Variants in TBC1D22A observed in about 807,000 individuals in gnomAD.
TBC1D22A encodes the protein TBC1 domain family member 22A, also known as putative GTPase activator.
TBC1D22A carries 38 observed loss-of-function variants against 60.2 expected under a neutral mutation model. The ratio of observed to expected loss-of-function variants is 0.63; its 90% CI spans 0.49 to 0.83. TBC1D22A has a LOEUF of 0.83. TBC1D22A is among the 40% of genes least tolerant of loss of function. The pLI is 0.00. For synonymous variants in TBC1D22A, 302 were observed against 281.7 expected (o/e 1.07, Z -0.72); for missense variants, 628 against 701.0 (o/e 0.90, Z 1.18).
intron 4 of TBC1D22A, among the ~76,000 whole-genome samples, chr22:46,799,884 A>G (rs1183906346): frequency 6.6e-6 from 1 of 152,174 alleles, no homozygotes; most frequent in Non-Finnish European, 1.5e-5. Context: ...GTGGACTCCG[A>G]TCACTTGGTT....
At chr22:47,163,647 G>A (rs1355274962) in intron 12 of TBC1D22A, among the ~76,000 whole-genome samples, 1 of 152,188 alleles carries the variant, frequency 6.6e-6, no homozygotes, top group Non-Finnish European at 1.5e-5. Context: ...GTGGAGGGAA[G>A]CAAGGAAAGC....
chr22:46,847,918 GGT>G (rs58012028), intron 4 of TBC1D22A, among the ~76,000 whole-genome samples: 32,776 of 133,988 alleles, frequency 0.24, 3,965 homozygotes, highest in East Asian at 0.42. Flanking sequence ...TACCCTAGTG[GGT>G]GTGTGTGTGT....
chr22:46,787,413 G>A (rs780853650), intron 1 of TBC1D22A, among the ~76,000 whole-genome samples: 1 of 152,040 alleles, frequency 6.6e-6, no homozygotes, highest in Admixed American at 6.6e-5. Flanking sequence ...TGCATGTGGC[G>A]GCTCCTGCGT....
chr22:47,139,393 G>A (rs1016117012), intron 12 of TBC1D22A, among the ~76,000 whole-genome samples: 1 of 152,234 alleles, frequency 6.6e-6, no homozygotes, highest in African/African-American at 2.4e-5. Flanking sequence ...CTCGAGACAG[G>A]TGTTCACCCA....
chr22:46,809,660 G>A (rs550062726), intron 4 of TBC1D22A, among the ~76,000 whole-genome samples: 5 of 152,142 alleles, frequency 3.3e-5, no homozygotes, highest in South Asian at 2.1e-4. Context: ...TCCGGGCTTC[G>A]ACATTTACTA....
chr22:47,120,756 CTG>C (rs2066243541), intron 12 of TBC1D22A, among the ~76,000 whole-genome samples: 1 of 152,240 alleles, frequency 6.6e-6, no homozygotes, highest in African/African-American at 2.4e-5. Flanking sequence ...CAGGTCTCCT[CTG>C]AAAATTCCTG....
chr22:47,031,161 G>A (rs918242754), intron 10 of TBC1D22A, among the ~76,000 whole-genome samples: 2 of 152,172 alleles, frequency 1.3e-5, no homozygotes, highest in Non-Finnish European at 2.9e-5. Flanking sequence ...ATCACCTCTG[G>A]GTGGGCGTGG....
At chr22:46,843,720 T>C (rs1434616939) in intron 4 of TBC1D22A, among the ~76,000 whole-genome samples, 6 of 152,006 alleles carry the variant, frequency 3.9e-5, no homozygotes. Context: ...AGGTGAGCGG[T>C]GAACTGGGTA....
chr22:46,871,288 G>A (rs868503868), intron 4 of TBC1D22A, among the ~76,000 whole-genome samples: 8 of 152,200 alleles, frequency 5.3e-5, no homozygotes, highest in Admixed American at 3.3e-4. Flanking sequence ...ACAGCCCTCC[G>A]TGAGTAATTG....
At chr22:47,172,440 C>T (rs899159184) in intron 12 of TBC1D22A, among the ~76,000 whole-genome samples, 3 of 152,200 alleles carry the variant, frequency 2.0e-5, no homozygotes, top group African/African-American at 7.2e-5. Context: ...TTTAAAAATA[C>T]ACATGTAAGA....
At chr22:47,085,168 C>T (rs974912351) in intron 11 of TBC1D22A, among the ~76,000 whole-genome samples, 1 of 152,054 alleles carries the variant, frequency 6.6e-6, no homozygotes. Context: ...GTAATTCCAG[C>T]AACACAGAGG....
At chr22:47,054,424 C>CTA (rs2063321623) in intron 11 of TBC1D22A, among the ~76,000 whole-genome samples, 2 of 152,290 alleles carry the variant, frequency 1.3e-5, no homozygotes, top group Admixed American at 1.3e-4. Flanking sequence ...TCCCCATCGT[C>CTA]TGTGTCCACT....
chr22:46,978,539 T>C (rs528338431), intron 9 of TBC1D22A, among the ~76,000 whole-genome samples: 42 of 152,240 alleles, frequency 2.8e-4, no homozygotes, highest in Non-Finnish European at 5.6e-4. Flanking sequence ...TGGTATTTTT[T>C]GTTTTAGCTG....
chr22:46,895,790 G>C (rs2068643919), intron 7 of TBC1D22A, among the ~76,000 whole-genome samples: 1 of 152,156 alleles, frequency 6.6e-6, no homozygotes, highest in South Asian at 2.1e-4. Flanking sequence ...GGTTGTTTCT[G>C]ATGTTTTGCT....
At chr22:46,852,881 G>A (rs191365334) in intron 4 of TBC1D22A, among the ~76,000 whole-genome samples, 17 of 152,276 alleles carry the variant, frequency 1.1e-4, no homozygotes, top group East Asian at 9.7e-4. Context: ...TGTCACTGGC[G>A]TTTTCTGCAT....
chr22:47,018,307 G>C (rs570569368), intron 10 of TBC1D22A, among the ~76,000 whole-genome samples: 2 of 152,294 alleles, frequency 1.3e-5, no homozygotes, highest in Non-Finnish European at 2.9e-5. Flanking sequence ...CCGTTGGTCT[G>C]TTCTGGGCGC....
chr22:47,029,873 A>G (rs919213624), intron 10 of TBC1D22A, among the ~76,000 whole-genome samples: 1 of 152,200 alleles, frequency 6.6e-6, no homozygotes, highest in Non-Finnish European at 1.5e-5. Context: ...TGCTTCCCCC[A>G]GAGTGGCCTG....
chr22:46,783,331 A>T (rs1056098445), intron 1 of TBC1D22A, among the ~76,000 whole-genome samples: 4 of 152,256 alleles, frequency 2.6e-5, no homozygotes, highest in African/African-American at 9.6e-5. Context: ...GCGGTGCTCC[A>T]GCAGTGTGCC....
intron 8 of TBC1D22A, among the ~76,000 whole-genome samples, chr22:46,933,627 G>GGGC (rs1569237985): frequency 6.6e-6 from 1 of 151,962 alleles, no homozygotes; most frequent in African/African-American, 2.4e-5. Flanking sequence ...GAGACCACTG[G>GGGC]GGGGGGGTTG....
Sources: gnomAD v4.1 joint callset for allele counts (sites outside exome capture counted in the v4.1 genomes callset) on GRCh38, gnomAD v4.1.1 for gene constraint, MANE v1.5 for transcripts, NCBI Gene and HGNC (gene_info 2026-07-23, HGNC 2026-07-21) for gene names.